Variants in MAGI2 observed in about 807,000 individuals in gnomAD.
MAGI2 encodes the protein membrane associated guanylate kinase, WW and PDZ domain containing 2, also known as membrane-associated guanylate kinase, WW and PDZ domain-containing protein 2.
Under a neutral mutation model 133.3 loss-of-function variants are expected in MAGI2, and 35 were observed. The observed-to-expected ratio is 0.26, with a 90% CI of 0.20 to 0.35. The LOEUF is 0.35. Among genes scored for constraint, MAGI2 ranks in the 10% least tolerant of loss-of-function variants. MAGI2 has a pLI of 1.00. For missense variants in MAGI2, 1,636 were observed against 1,863.4 expected (o/e 0.88, Z 2.25); for synonymous variants, 729 against 710.6 (o/e 1.03, Z -0.41).
chr7:78,209,177 G>A (rs534359568), intron 10 of MAGI2, among the ~76,000 whole-genome samples: 8 of 36,530 alleles, frequency 2.2e-4, no homozygotes, highest in Admixed American at 1.5e-3. Flanking sequence ...AGCTGAGATC[G>A]CGCCACTGCA....
chr7:79,274,192 T>C (rs1218777311), intron 1 of MAGI2, among the ~76,000 whole-genome samples: 1 of 152,106 alleles, frequency 6.6e-6, no homozygotes, highest in Non-Finnish European at 1.5e-5. Context: ...ACACTTATTG[T>C]TTATCTGACA....
At chr7:78,648,843 C>T (rs1244375939) in intron 2 of MAGI2, among the ~76,000 whole-genome samples, 1 of 152,154 alleles carries the variant, frequency 6.6e-6, no homozygotes, top group African/African-American at 2.4e-5. Flanking sequence ...AATCCTGCTG[C>T]TTGCCTCTTC....
intron 2 of MAGI2, among the ~76,000 whole-genome samples, chr7:78,668,150 T>G (rs1813865392): frequency 6.6e-6 from 1 of 152,210 alleles, no homozygotes; most frequent in South Asian, 2.1e-4. Flanking sequence ...CCAGTGATGG[T>G]GAGCATTTTT....
At chr7:79,010,321 A>G (rs1189782010) in intron 1 of MAGI2, among the ~76,000 whole-genome samples, 2 of 152,068 alleles carry the variant, frequency 1.3e-5, no homozygotes, top group Non-Finnish European at 2.9e-5. Flanking sequence ...GTATAAAGGC[A>G]TATTTATCCT....
At chr7:78,589,205 C>T (rs1024010964) in intron 3 of MAGI2, among the ~76,000 whole-genome samples, 6 of 152,204 alleles carry the variant, frequency 3.9e-5, no homozygotes, top group African/African-American at 1.2e-4. Context: ...TCATCATCAT[C>T]ACCATCACCA....
At chr7:78,890,283 C>G (rs1253973331) in intron 2 of MAGI2, among the ~76,000 whole-genome samples, 1 of 151,860 alleles carries the variant, frequency 6.6e-6, no homozygotes, top group East Asian at 1.9e-4. Context: ...TAATGGGGGA[C>G]TTTAACACCC....
intron 13 of MAGI2, among the ~76,000 whole-genome samples, chr7:78,182,183 C>T (rs186900852): frequency 6.6e-5 from 10 of 152,148 alleles, no homozygotes. Context: ...TGGGCTTTTC[C>T]TTGTAAAGAG....
intron 1 of MAGI2, among the ~76,000 whole-genome samples, chr7:79,334,214 G>A (rs368840226): frequency 6.6e-6 from 1 of 152,026 alleles, no homozygotes. Flanking sequence ...CCATAATACA[G>A]AATTAATACT....
chr7:79,366,375 G>T (rs2129128192), intron 1 of MAGI2, among the ~76,000 whole-genome samples: 1 of 152,238 alleles, frequency 6.6e-6, no homozygotes, highest in South Asian at 2.1e-4. Context: ...TGGTTTGATT[G>T]CCTGGGGTTA....
At chr7:78,290,307 C>T (rs967256905) in intron 9 of MAGI2, among the ~76,000 whole-genome samples, 3 of 152,130 alleles carry the variant, frequency 2.0e-5, no homozygotes, top group African/African-American at 2.4e-5. Flanking sequence ...CAATCCTAGT[C>T]TCTGATAAAA....
chr7:78,950,809 G>A (rs765175761), intron 2 of MAGI2, among the ~76,000 whole-genome samples: 3 of 152,016 alleles, frequency 2.0e-5, no homozygotes, highest in Non-Finnish European at 4.4e-5. Context: ...AATTTTGGGG[G>A]TACAGGGAAA....
intron 3 of MAGI2, among the ~76,000 whole-genome samples, chr7:78,583,991 T>C (rs1459998817): frequency 6.6e-6 from 1 of 152,230 alleles, no homozygotes; most frequent in Non-Finnish European, 1.5e-5. Flanking sequence ...TGCTTCTAAA[T>C]AGCAGAGGTC....
At chr7:78,243,181 T>G (rs1198205128) in intron 10 of MAGI2, among the ~76,000 whole-genome samples, 2 of 149,336 alleles carry the variant, frequency 1.3e-5, no homozygotes, top group Admixed American at 1.3e-4. Flanking sequence ...TATTTGGGGG[T>G]AAAGGAACAT....
intron 1 of MAGI2, among the ~76,000 whole-genome samples, chr7:79,029,105 C>T (rs1810312506): frequency 3.3e-5 from 5 of 152,048 alleles, no homozygotes. Context: ...TTATTCTGTA[C>T]TACTTAAAAT....
rs140125788 is a variant in MAGI2 at position 78,420,956 on chromosome 7, C to T, written c.1046-51743G>A. Reference sequence around the variant, plus strand: ...TTCGAGTTGCACAGGTCAGAGGTAACGGATCAAAAGGTAAGGAGTACATAA... The same window carrying T: ...TTCGAGTTGCACAGGTCAGAGGTAATGGATCAAAAGGTAAGGAGTACATAA... On this transcript the variant is annotated intron_variant, in intron 6 of 21. Transcript: ENST00000354212. Among the ~76,000 whole-genome samples the T allele has an allele frequency of 1.0e-3, 159 of 152,178 alleles. 2 individuals are homozygous for T. In the East Asian group the frequency reaches 0.017, roughly 16 times the overall value.
intron 1 of MAGI2, among the ~76,000 whole-genome samples, chr7:79,161,536 AT>A (rs1400031734): frequency 7.9e-5 from 12 of 152,180 alleles, no homozygotes; most frequent in African/African-American, 1.9e-4. Context: ...ACAAAAAAAA[AT>A]ATTATGTAAA....
chr7:78,124,427 G>A (rs900491663), intron 20 of MAGI2, among the ~76,000 whole-genome samples: 3 of 152,214 alleles, frequency 2.0e-5, no homozygotes, highest in Non-Finnish European at 4.4e-5. Context: ...GATTGTGGTA[G>A]TGGGGAGAAA....
intron 1 of MAGI2, among the ~76,000 whole-genome samples, chr7:79,206,205 A>T (rs1320746103): frequency 7.6e-6 from 1 of 131,654 alleles, no homozygotes; most frequent in East Asian, 2.0e-4. Context: ...CAAAGTTAGT[A>T]AAAAAAAAAA....
At position 78,477,436 on chromosome 7, in the gene MAGI2, C is replaced by T. The variant is rs185798706; in HGVS notation, c.1045+12325G>A. 1.5e-4 allele frequency among the ~76,000 whole-genome samples: 23 copies of T among 152,012 alleles called. No individual in the cohort carries two copies. In the East Asian group the frequency reaches 2.3e-3, roughly 15 times the overall value. Reference sequence around the variant, plus strand: ...TAAGAATTTTATTAGTCTGTTCTCACGCTGCTAATAAAGACATACCCGAGA... The same window carrying T: ...TAAGAATTTTATTAGTCTGTTCTCATGCTGCTAATAAAGACATACCCGAGA... On this transcript the variant is annotated intron_variant, in intron 6 of 21. Transcript: ENST00000354212.
Sources: allele counts gnomAD v4.1 joint callset (sites outside exome capture counted in the v4.1 genomes callset), GRCh38; gene constraint gnomAD v4.1.1; transcripts MANE v1.5; gene names NCBI Gene and HGNC (gene_info 2026-07-23, HGNC 2026-07-21).